Variants in ZSWIM6 observed in about 807,000 individuals in gnomAD.
ZSWIM6 encodes the protein zinc finger SWIM domain-containing protein 6.
In ZSWIM6, 9 loss-of-function variants were observed where a neutral mutation model predicts 113.2. The ratio of observed to expected loss-of-function variants is 0.08; its 90% confidence interval spans 0.05 to 0.14. The LOEUF (loss-of-function observed/expected upper bound fraction) is 0.14, where lower values mean the gene tolerates loss of function less well. ZSWIM6 is among the 10% of genes least tolerant of loss of function. The probability of loss-of-function intolerance (pLI) is 1.00; values close to 1 mark genes in which losing one functional copy is unlikely to be tolerated. For synonymous variants in ZSWIM6, 611 were observed against 606.5 expected (o/e 1.01, Z -0.11); for missense variants, 1,162 against 1,552.2 (o/e 0.75, Z 4.22).
intron 1 of ZSWIM6, among the ~76,000 whole-genome samples, chr5:61,373,006 A>T (rs1745298595): frequency 6.6e-6 from 1 of 152,190 alleles, no homozygotes; most frequent in South Asian, 2.1e-4. Context: ...TAAAAATATT[A>T]CCTCTTTGTT....
intron 1 of ZSWIM6, among the ~76,000 whole-genome samples, chr5:61,355,208 T>C (rs958764633): frequency 4.6e-5 from 7 of 152,140 alleles, no homozygotes; most frequent in African/African-American, 1.7e-4. Context: ...AGCTTGGTAG[T>C]TGTGACTTAG....
chr5:61,346,864 G>T (rs778993472), intron 1 of ZSWIM6, among the ~76,000 whole-genome samples: 1 of 152,154 alleles, frequency 6.6e-6, no homozygotes, highest in Non-Finnish European at 1.5e-5. Context: ...GACTACTACT[G>T]TGGGGGAAAA....
At chr5:61,482,336 C>T (rs923372285) in intron 2 of ZSWIM6, among the ~76,000 whole-genome samples, 1 of 150,704 alleles carries the variant, frequency 6.6e-6, no homozygotes, top group African/African-American at 2.4e-5. Context: ...CATCACACAC[C>T]GGGGCCTGTT....
At chr5:61,371,972 T>C (rs1296524815) in intron 1 of ZSWIM6, among the ~76,000 whole-genome samples, 4 of 152,242 alleles carry the variant, frequency 2.6e-5, no homozygotes, top group Non-Finnish European at 5.9e-5. Context: ...AAGTTCCCTA[T>C]GATTTAAATG....
intron 4 of ZSWIM6, among the ~76,000 whole-genome samples, chr5:61,505,680 T>TTCCCTCCC (rs1482495451): frequency 1.9e-5 from 1 of 53,576 alleles, no homozygotes; most frequent in Non-Finnish European, 3.7e-5. Flanking sequence ...CCTTCTTTCC[T>TTCCCTCCC]TGCCTCCCTC....
intron 1 of ZSWIM6, among the ~76,000 whole-genome samples, chr5:61,471,502 G>A (rs1432852782): frequency 1.3e-5 from 2 of 152,176 alleles, no homozygotes; most frequent in African/African-American, 4.8e-5. Context: ...TATCCAAGGG[G>A]GATTGGCCCC....
intron 1 of ZSWIM6, among the ~76,000 whole-genome samples, chr5:61,372,592 G>A (rs1324779570): frequency 1.3e-5 from 2 of 151,958 alleles, no homozygotes; most frequent in East Asian, 1.9e-4. Flanking sequence ...TCCTCTTCCC[G>A]CTTTTTGGAC....
chr5:61,463,674 A>G (rs936008184), intron 1 of ZSWIM6, among the ~76,000 whole-genome samples: 2 of 152,202 alleles, frequency 1.3e-5, no homozygotes, highest in Admixed American at 1.3e-4. Context: ...GACCTCTGCT[A>G]TCTCTGAGCT....
intron 10 of ZSWIM6, among the ~76,000 whole-genome samples, chr5:61,536,499 A>C (rs1408831063): frequency 6.6e-6 from 1 of 152,248 alleles, no homozygotes; most frequent in African/African-American, 2.4e-5. Context: ...AGGACAAGCC[A>C]TGTTGTAGAC....
chr5:61,509,738 A>G (rs1285947494), intron 4 of ZSWIM6, among the ~76,000 whole-genome samples: 1 of 152,188 alleles, frequency 6.6e-6, no homozygotes, highest in Non-Finnish European at 1.5e-5. Context: ...ATGTGTTTCA[A>G]TGCCAAGTGG....
intron 5 of ZSWIM6, among the ~76,000 whole-genome samples, chr5:61,523,629 T>A (rs963605087): frequency 1.3e-5 from 2 of 152,198 alleles, no homozygotes; most frequent in East Asian, 3.9e-4. Context: ...TCAATCTTAC[T>A]GCACAATTGA....
At chr5:61,434,570 C>CT (rs1157499324) in intron 1 of ZSWIM6, among the ~76,000 whole-genome samples, 1 of 152,076 alleles carries the variant, frequency 6.6e-6, no homozygotes, top group Non-Finnish European at 1.5e-5. Context: ...AGTCATTTCA[C>CT]TTAGAACAGT....
chr5:61,333,428 G>T (rs1486820468), intron 1 of ZSWIM6, among the ~76,000 whole-genome samples: 1 of 151,744 alleles, frequency 6.6e-6, no homozygotes, highest in Non-Finnish European at 1.5e-5. Flanking sequence ...ACTGCCTGTC[G>T]CTCGCTCCTT....
At chr5:61,509,223 G>C (rs746096920) in intron 4 of ZSWIM6, among the ~76,000 whole-genome samples, 1 of 152,128 alleles carries the variant, frequency 6.6e-6, no homozygotes, top group Non-Finnish European at 1.5e-5. Flanking sequence ...TTCATTTGCA[G>C]TAATTCATCA....
At chr5:61,379,568 A>G (rs2112078685) in intron 1 of ZSWIM6, among the ~76,000 whole-genome samples, 1 of 152,318 alleles carries the variant, frequency 6.6e-6, no homozygotes, top group East Asian at 1.9e-4. Flanking sequence ...AATACCACAA[A>G]GAAGTGAGGA....
chr5:61,406,116 A>G (rs1174230274), intron 1 of ZSWIM6, among the ~76,000 whole-genome samples: 1 of 152,136 alleles, frequency 6.6e-6, no homozygotes, highest in Non-Finnish European at 1.5e-5. Flanking sequence ...GGCCTTCTCC[A>G]TTAACACACA....
At chr5:61,535,045 C>T (rs1171949736) in intron 9 of ZSWIM6, among the ~76,000 whole-genome samples, 3 of 152,160 alleles carry the variant, frequency 2.0e-5, no homozygotes, top group Non-Finnish European at 4.4e-5. Flanking sequence ...GGAAACCTGG[C>T]ATATTTGTGT....
At chr5:61,488,079 C>T (rs896485103) in intron 2 of ZSWIM6, among the ~76,000 whole-genome samples, 3 of 151,768 alleles carry the variant, frequency 2.0e-5, no homozygotes, top group Non-Finnish European at 4.4e-5. Context: ...GGTTTTTTAT[C>T]GTGAAGAGAT....
chr5:61,475,248 T>C (rs1747680221), intron 2 of ZSWIM6, among the ~76,000 whole-genome samples: 1 of 152,206 alleles, frequency 6.6e-6, no homozygotes, highest in Admixed American at 6.5e-5. Flanking sequence ...AGCATCACTT[T>C]GTTCTCTTGA....
Sources: allele counts gnomAD v4.1 joint callset (sites outside exome capture counted in the v4.1 genomes callset), GRCh38; gene constraint gnomAD v4.1.1; transcripts MANE v1.5; gene names NCBI Gene and HGNC (gene_info 2026-07-23, HGNC 2026-07-21).